Variants in CACNA1B observed in about 807,000 individuals in gnomAD.
CACNA1B encodes voltage-dependent N-type calcium channel subunit alpha-1B.
Under a neutral mutation model 247.2 loss-of-function variants are expected in CACNA1B, and 70 were observed. That is an observed-to-expected ratio of 0.28 (90% CI 0.23 to 0.35). CACNA1B has a LOEUF of 0.35. CACNA1B is among the 10% of genes least tolerant of loss of function. The pLI, the probability that CACNA1B is intolerant of heterozygous loss-of-function variation, is 1.00. For synonymous variants in CACNA1B, 1,231 were observed against 1,294.4 expected, an observed-to-expected ratio of 0.95 and a Z score of 1.05; for missense variants, 2,367 against 3,197.4, an observed-to-expected ratio of 0.74 and a Z score of 6.26.
chr9:138,008,909 C>G (rs997987097), intron 16 of CACNA1B, among the ~76,000 whole-genome samples: 4 of 152,226 alleles, frequency 2.6e-5, no homozygotes, highest in Non-Finnish European at 5.9e-5. Flanking sequence ...GCCCCAAATG[C>G]CAGCAGGGCC....
intron 8 of CACNA1B, among the ~76,000 whole-genome samples, chr9:137,956,144 C>T (rs910462315): frequency 6.6e-6 from 1 of 152,144 alleles, no homozygotes; most frequent in Non-Finnish European, 1.5e-5. Flanking sequence ...TCGCCCCAGG[C>T]CAGCACTCTT....
At chr9:138,044,664 CAA>C (rs1406643899) in intron 21 of CACNA1B, among the ~76,000 whole-genome samples, 1 of 152,224 alleles carries the variant, frequency 6.6e-6, no homozygotes, top group Non-Finnish European at 1.5e-5. Context: ...TGGAACCACA[CAA>C]GAGCTTGCCC....
Position 138,059,736 on chromosome 9 carries a change from C to T in CACNA1B, c.4667C>T (p.Ala1556Val), listed in dbSNP as rs199500748. ...ACTGATATTTTAGTAACAGAGATTG[C>T]GGTAAGTAGCATTTCTGTCCCTCCT... ...SITDILVTEI[A>V]ETNNFINLSF... is the part of the protein sequence containing the mutation. The change falls in exon 31 of 47, where the codon GCG (alanine) becomes GTG (valine). Residue 1556 changes from alanine (A) to valine (V), a missense_variant and splice_region_variant. Physicochemically the swap from Ala to Val is moderately conservative, Grantham distance 64. Around this residue, in one of 12 missense-constraint regions of CACNA1B, gnomAD observed 436 missense variants for 679.5 expected, o/e 0.64. Transcript: ENST00000371372. This position sits in a 1 kb window ranked among gnomAD's most constrained non-coding sequence, Gnocchi z 4.2. The T allele has an allele frequency of 3.2e-5, 50 of 1,569,480 alleles. No homozygotes were observed. Among genetic ancestry groups the T allele is most frequent in the East Asian group, 4.5e-5 (2 of 44,676 alleles).
chr9:137,933,497 C>T (rs1359370754), intron 6 of CACNA1B, among the ~76,000 whole-genome samples: 1 of 152,182 alleles, frequency 6.6e-6, no homozygotes, highest in Non-Finnish European at 1.5e-5. Flanking sequence ...AAAGGTTGCT[C>T]AGATGGGATT....
chr9:137,945,668 A>G (rs1192377947), intron 6 of CACNA1B, among the ~76,000 whole-genome samples: 1 of 152,220 alleles, frequency 6.6e-6, no homozygotes, highest in African/African-American at 2.4e-5. Flanking sequence ...GATTTTTCCT[A>G]TACCACTTAA....
rs144609955 is a variant in CACNA1B at position 138,056,107 on chromosome 9, C to T, written c.3969-1625C>T. Among the ~76,000 whole-genome samples, 364 of 152,220 alleles carry T rather than the reference C, an allele frequency of 2.4e-3. 2 individuals carry two copies. Among genetic ancestry groups the T allele is most frequent in the Middle Eastern group, 0.014 (4 of 292 alleles). On this transcript the variant is annotated intron_variant, in intron 26 of 46. Coordinates refer to ENST00000371372, the MANE Select transcript of CACNA1B (RefSeq NM_000718.4). ...ATTATACTGCTTGTTCATAACAATC[C>T]ACTTACAGTGTGCAATTAAGTGGCT...
chr9:137,975,586 G>A (rs1958210093), intron 11 of CACNA1B, among the ~76,000 whole-genome samples: 1 of 152,172 alleles, frequency 6.6e-6, no homozygotes, highest in Non-Finnish European at 1.5e-5. Flanking sequence ...GACCTCCTCT[G>A]GTGAGGAGGG....
rs542283915 is a variant in CACNA1B, at chr9:138,071,020, G to T, written c.4674+1257G>T. On this transcript the variant is annotated intron_variant, in intron 32 of 46. Coordinates refer to ENST00000371372, the MANE Select transcript of CACNA1B (RefSeq NM_000718.4). ...TTCCCTGTGACTCTGGCCAGAGGCC[G>T]TGGTGGTCTTGGATACAGGGGATGC... is the stretch of plus-strand genomic sequence containing the variant. Among the ~76,000 whole-genome samples, 125 of 152,388 alleles carry T rather than the reference G, an allele frequency of 8.2e-4. 2 individuals are homozygous for T. The South Asian group carries it at 0.026, about 31-fold the overall frequency.
Position 138,052,614 on chromosome 9 carries a change from G to A in CACNA1B, c.3807+426G>A, listed in dbSNP as rs1959335049. ...AGGGCCACGCTGAAACCTAGTAATT[G>A]TGAGCTTGTGCTAGGCCCTGTGCGA... is the stretch of plus-strand genomic sequence containing the variant. On this transcript the variant is annotated intron_variant, in intron 25 of 46. Transcript: ENST00000371372. This position sits in a 1 kb window ranked among gnomAD's most constrained non-coding sequence, Gnocchi z 5.1. Among the ~76,000 whole-genome samples the A allele has an allele frequency of 6.6e-6, 1 of 152,240 alleles. No individual in the cohort carries two copies. Among genetic ancestry groups the A allele is most frequent in the South Asian group, 2.1e-4 (1 of 4,834 alleles).
chr9:138,110,978 T>C (rs564194305), intron 39 of CACNA1B, among the ~76,000 whole-genome samples: 1 of 143,896 alleles, frequency 6.9e-6, no homozygotes, highest in Admixed American at 7.0e-5. Context: ...ATCCAGAATT[T>C]AAAAAAAAAA....
At position 138,014,816 on chromosome 9, in the gene CACNA1B, C is replaced by A. The variant is rs1958770466; in HGVS notation, c.2267+1581C>A. On this transcript the variant is annotated intron_variant, in intron 18 of 46. Transcript: ENST00000371372. The surrounding 1 kb of genome is among the most constrained non-coding windows in gnomAD (Gnocchi z 6.2). ...CTGGGGGTATGGGAGGGTGTCCACT[C>A]CCATCTGGCCTGAGACCTTGCAGAA... Among the ~76,000 whole-genome samples the A allele has an allele frequency of 1.3e-5, 2 of 152,000 alleles. No individual in the cohort carries two copies. The highest frequency in any genetic ancestry group is 2.1e-4 in the South Asian group (1 of 4,822).
At chr9:137,939,191 A>G (rs1312525387) in intron 6 of CACNA1B, among the ~76,000 whole-genome samples, 3 of 152,226 alleles carry the variant, frequency 2.0e-5, no homozygotes. Flanking sequence ...GAAACAGTGA[A>G]TGTAAACTAT....
In CACNA1B at chr9:138,003,723, C is replaced by CAGA. The variant is rs1320184630; in HGVS notation, c.1975-3040_1975-3038dup. Among the ~76,000 whole-genome samples the CAGA allele has an allele frequency of 2.7e-5, 4 of 146,816 alleles. No individual in the cohort carries two copies. The East Asian group carries it at 8.0e-4, about 29-fold the overall frequency. ...AGCTGGGGGGTTGAAAGGCAGGGCA[C>CAGA]AGAAGAGATCTAAGGGCCCCTGGGC... On this transcript the variant is annotated intron_variant, in intron 15 of 46. Coordinates refer to ENST00000371372, the MANE Select transcript of CACNA1B (RefSeq NM_000718.4).
At chr9:137,884,803 CA>C (rs1956981002) in intron 3 of CACNA1B, among the ~76,000 whole-genome samples, 1 of 151,936 alleles carries the variant, frequency 6.6e-6, no homozygotes, top group Admixed American at 6.6e-5. Context: ...GGAGTTGCAC[CA>C]AGCCATGGGC....
chr9:137,943,999 C>T (rs902288384), intron 6 of CACNA1B, among the ~76,000 whole-genome samples: 9 of 152,220 alleles, frequency 5.9e-5, no homozygotes, highest in African/African-American at 2.2e-4. Flanking sequence ...CAGCTCCCTA[C>T]AGGTGTCTAT....
In CACNA1B at chr9:137,971,276, T is replaced by C. The variant is rs907771727; in HGVS notation, c.1334-107T>C. The C allele has an allele frequency of 2.5e-4, 182 of 742,594 alleles. 1 individual carries two copies. The Admixed American group carries it at 3.9e-3, about 16-fold the overall frequency. The allele number at this position is 742,594 out of a possible 1,614,324, so 46.0% of individuals were successfully genotyped here. On this transcript the variant is annotated intron_variant, in intron 10 of 46. Transcript: ENST00000371372. This position sits in a 1 kb window ranked among gnomAD's most constrained non-coding sequence, Gnocchi z 4.4. ...ACTGGCACAATTGTCTGTGACCGGC[T>C]GGGGCTGGGGGCAGGTGTCCTCCAG...
At chr9:137,988,069 G>A (rs1012954696) in intron 15 of CACNA1B, among the ~76,000 whole-genome samples, 2 of 152,088 alleles carry the variant, frequency 1.3e-5, no homozygotes, top group African/African-American at 2.4e-5. Flanking sequence ...TGAAAGCCTC[G>A]GCTGCTCACA....
chr9:137,971,993 C>T lies in CACNA1B; in HGVS notation c.1543+401C>T, dbSNP rs1315015311. 1.3e-5 allele frequency among the ~76,000 whole-genome samples: 2 copies of T among 152,166 alleles called. No homozygotes were observed. The highest frequency in any genetic ancestry group is 2.9e-5 in the Non-Finnish European group (2 of 68,022). On this transcript the variant is annotated intron_variant, in intron 11 of 46. Coordinates refer to ENST00000371372, the MANE Select transcript of CACNA1B (RefSeq NM_000718.4). The surrounding 1 kb of genome is among the most constrained non-coding windows in gnomAD (Gnocchi z 4.4). ...AGGGGACTTAGCCCCACGCTCCTTT[C>T]CACCACGTGGCTGCTGATTCTGCCC... is the stretch of plus-strand genomic sequence containing the variant.
chr9:138,006,649 TGTGGACGTGGCAGTGCGC>T (rs1958654443), intron 15 of CACNA1B, 100 bp from the exon 16 acceptor site: 2 of 664,808 alleles, frequency 3.0e-6, no homozygotes, highest in Non-Finnish European at 2.8e-6. Flanking sequence ...GATGTGCATG[TGTGGACGTGGCAGTGCGC>T]GTGGACGTGG....
Sources: allele counts gnomAD v4.1 joint callset (sites outside exome capture counted in the v4.1 genomes callset), GRCh38; gene constraint gnomAD v4.1.1; regional missense constraint gnomAD v4.1.1; non-coding constraint Gnocchi (gnomAD v3.1); transcripts MANE v1.5; gene names NCBI Gene and HGNC (gene_info 2026-07-23, HGNC 2026-07-21).